LRRFIP1: variants seen among roughly 807,000 people sequenced by gnomAD.
The protein encoded by LRRFIP1 is leucine-rich repeat flightless-interacting protein 1.
In LRRFIP1, 62 loss-of-function variants were observed where a neutral mutation model predicts 104.4. The ratio of observed to expected loss-of-function variants is 0.59; its 90% CI spans 0.48 to 0.73. The LOEUF is 0.73. Ranked by LOEUF, LRRFIP1 falls within the 30% of genes least tolerant of loss-of-function variation. The pLI, the probability that LRRFIP1 is intolerant of heterozygous loss-of-function variation, is 0.00. For synonymous variants in LRRFIP1, 300 were observed against 299.0 expected, an observed-to-expected ratio of 1.00 and a Z score of -0.03; for missense variants, 796 against 824.5, an observed-to-expected ratio of 0.97 and a Z score of 0.42.
intron 1 of LRRFIP1, among the ~76,000 whole-genome samples, chr2:237,652,610 G>T (rs1395019821): frequency 6.6e-6 from 1 of 152,226 alleles, no homozygotes. Context: ...AGACCTAAAA[G>T]CAGTGTCTCA....
At position 237,656,854 on chromosome 2, in the gene LRRFIP1, G is replaced by A. The variant is rs1421397528; in HGVS notation, c.96+29114G>A. ...AAGTACTATTTGTGATTAATAAAAT[G>A]CAACTGCTCCTAAAAACATTACTGA... On this transcript the variant is annotated intron_variant, in intron 1 of 23. Coordinates refer to ENST00000308482, the MANE Select transcript of LRRFIP1 (RefSeq NM_001137550.2). Among the ~76,000 whole-genome samples, 5 of 152,180 alleles carry A rather than the reference G, an allele frequency of 3.3e-5. No homozygotes were observed. The East Asian group carries it at 7.7e-4, about 23-fold the overall frequency.
At chr2:237,748,443 A>T (rs558194464) in intron 12 of LRRFIP1, 44 bp downstream of exon 12, 2 of 1,504,460 alleles carry the variant, frequency 1.3e-6, no homozygotes, top group Non-Finnish European at 1.8e-6. Context: ...AAAGTTGTGG[A>T]TGAAATTGAT....
chr2:237,728,479 TA>T (rs777257958), intron 8 of LRRFIP1, among the ~76,000 whole-genome samples: 15 of 128,276 alleles, frequency 1.2e-4, no homozygotes, highest in Admixed American at 7.8e-4. Context: ...GGTGCTGCTC[TA>T]GGGGGAGAGA....
chr2:237,757,032 A>G (rs372967674), intron 16 of LRRFIP1, among the ~76,000 whole-genome samples: 1 of 152,324 alleles, frequency 6.6e-6, no homozygotes, highest in African/African-American at 2.4e-5. Context: ...GCAGGGAAAC[A>G]GATTCTCCCT....
intron 1 of LRRFIP1, among the ~76,000 whole-genome samples, chr2:237,686,059 A>G (rs1295012958): frequency 6.6e-6 from 1 of 152,120 alleles, no homozygotes; most frequent in Non-Finnish European, 1.5e-5. Flanking sequence ...TTGTTCTTAC[A>G]CACCTCTTAT....
intron 1 of LRRFIP1, among the ~76,000 whole-genome samples, chr2:237,687,020 A>G (rs929046108): frequency 6.6e-6 from 1 of 152,230 alleles, no homozygotes; most frequent in Non-Finnish European, 1.5e-5. Context: ...AGTCCACGTG[A>G]TGACTTTCTG....
intron 2 of LRRFIP1, among the ~76,000 whole-genome samples, chr2:237,709,850 G>T (rs1247409143): frequency 6.6e-6 from 1 of 151,766 alleles, no homozygotes; most frequent in Admixed American, 6.6e-5. Context: ...ATATGTATAT[G>T]TATAATTTTT....
At chr2:237,762,174 A>G (rs1466413489) in intron 19 of LRRFIP1, among the ~76,000 whole-genome samples, 1 of 152,230 alleles carries the variant, frequency 6.6e-6, no homozygotes, top group Non-Finnish European at 1.5e-5. Flanking sequence ...GGGCTGTGTG[A>G]CATGGAGTGC....
chr2:237,763,945 A>G, intron 19 of LRRFIP1: 2 of 1,614,258 alleles, frequency 1.2e-6, no homozygotes, highest in Non-Finnish European at 1.7e-6. Context: ...CCTGTGAAGC[A>G]GAAAGTACAG....
chr2:237,753,027 G>A (rs2058821805), intron 14 of LRRFIP1, among the ~76,000 whole-genome samples: 1 of 152,192 alleles, frequency 6.6e-6, no homozygotes, highest in Admixed American at 6.5e-5. Flanking sequence ...AGACTCTACT[G>A]CCTCTGTGAC....
rs1022547740 is a variant in LRRFIP1, at chr2:237,735,186, T to C, written c.490-82T>C. The C allele has an allele frequency of 5.0e-6, 6 of 1,195,398 alleles. No individual in the cohort carries two copies. In the Middle Eastern group the frequency reaches 5.8e-4, roughly 116 times the overall value. 74.0% of individuals were successfully genotyped at this position (1,195,398 alleles called of 1,614,324 possible). A position where few individuals can be genotyped will look rare whatever the true frequency, so the allele number is the denominator to read the frequency against. On this transcript the variant is annotated intron_variant, in intron 9 of 23. Transcript: ENST00000308482. This position sits in a 1 kb window ranked among gnomAD's most constrained non-coding sequence, Gnocchi z 4.6. ...CATGCTCCTGGCACGTGTCAGTTTTTCACAGCTCACGTTTTCAGCACTTTC... is the reference window on the plus strand; with the variant it reads ...CATGCTCCTGGCACGTGTCAGTTTTCCACAGCTCACGTTTTCAGCACTTTC...
intron 1 of LRRFIP1, among the ~76,000 whole-genome samples, chr2:237,706,953 A>G (rs936234042): frequency 6.6e-6 from 1 of 152,160 alleles, no homozygotes; most frequent in Non-Finnish European, 1.5e-5. Context: ...CCTTCACACC[A>G]TGTAATATGG....
At position 237,781,295 on chromosome 2, in the gene LRRFIP1, T is replaced by G. The variant is rs56109444; in HGVS notation, c.*1763T>G. On this transcript the variant is annotated 3_prime_UTR_variant, in exon 24 of 24. Transcript: ENST00000308482. ...TAGGTATTTTTCACTCATGCAATTT[T>G]CACATATTTTCACTCATTTCATTTG... 0.043 allele frequency among the ~76,000 whole-genome samples: 6,568 copies of G among 152,340 alleles called. 165 individuals carry two copies. Among genetic ancestry groups the G allele is most frequent in the Middle Eastern group, 0.13 (39 of 294 alleles).
intron 1 of LRRFIP1, among the ~76,000 whole-genome samples, chr2:237,674,088 A>G (rs958618641): frequency 1.3e-5 from 2 of 152,170 alleles, no homozygotes; most frequent in Non-Finnish European, 2.9e-5. Flanking sequence ...AAATGCAGGG[A>G]AGGGACTCAG....
At chr2:237,708,689 G>A (rs2093933202) in intron 2 of LRRFIP1, 59 bp downstream of exon 2, 1 of 1,528,394 alleles carries the variant, frequency 6.5e-7, no homozygotes, top group Non-Finnish European at 8.9e-7. Context: ...TGGGCCCAGG[G>A]TGCAAGTGCA....
intron 1 of LRRFIP1, among the ~76,000 whole-genome samples, chr2:237,664,752 A>AG (rs2088855078): frequency 6.6e-6 from 1 of 152,238 alleles, no homozygotes; most frequent in South Asian, 2.1e-4. Context: ...TCTGGTATAA[A>AG]GAACGTTGCG....
chr2:237,674,047 A>G (rs2090765359), intron 1 of LRRFIP1, among the ~76,000 whole-genome samples: 1 of 152,176 alleles, frequency 6.6e-6, no homozygotes, highest in Non-Finnish European at 1.5e-5. Flanking sequence ...GAAGCCTGCT[A>G]GGAGGCACTG....
intron 1 of LRRFIP1, chr2:237,692,378 C>T: frequency 1.4e-6 from 2 of 1,380,648 alleles, no homozygotes; most frequent in Admixed American, 3.4e-5. Context: ...GCGCGCGCCC[C>T]CTGGCCCGGC....
chr2:237,675,512 A>G (rs1216791190), intron 1 of LRRFIP1, among the ~76,000 whole-genome samples: 2 of 152,188 alleles, frequency 1.3e-5, no homozygotes, highest in East Asian at 3.8e-4. Context: ...AAAAACAGAG[A>G]GCTGAGAGCA....
Sources: allele counts gnomAD v4.1 joint callset (sites outside exome capture counted in the v4.1 genomes callset), GRCh38; gene constraint gnomAD v4.1.1; non-coding constraint Gnocchi (gnomAD v3.1); transcripts MANE v1.5; gene names NCBI Gene and HGNC (gene_info 2026-07-23, HGNC 2026-07-21).